The following SGCE variants were observed in gnomAD, a reference collection of about 807,000 sequenced individuals.
SGCE encodes epsilon-sarcoglycan.
A neutral mutation model predicts 57.8 loss-of-function variants in SGCE; 26 were observed. The observed-to-expected ratio is 0.45, with a 90% CI of 0.33 to 0.62. The LOEUF (loss-of-function observed/expected upper bound fraction) is 0.62, where lower values mean the gene tolerates loss of function less well. Among genes scored for constraint, SGCE ranks in the 20% least tolerant of loss-of-function variants. The pLI, the probability that SGCE is intolerant of heterozygous loss-of-function variation, is 0.02. For synonymous variants in SGCE, 183 were observed against 189.5 expected, an observed-to-expected ratio of 0.97 and a Z score of 0.28; for missense variants, 468 against 548.6, an observed-to-expected ratio of 0.85 and a Z score of 1.47.
intron 5 of SGCE, among the ~76,000 whole-genome samples, chr7:94,614,530 C>T (rs549894543): frequency 6.6e-6 from 1 of 152,276 alleles, no homozygotes; most frequent in South Asian, 2.1e-4. Context: ...AGTTCTGAAT[C>T]CACTATGCTC....
chr7:94,619,739 A>AT (rs769528270), intron 4 of SGCE: 7 of 152,184 alleles, frequency 4.6e-5, no homozygotes, highest in Non-Finnish European at 7.3e-5. Context: ...ACTTAGGTGA[A>AT]TTAGAACATT....
At chr7:94,599,924 T>C (rs1798957664) in intron 7 of SGCE, 2 of 419,658 alleles carry the variant, frequency 4.8e-6, no homozygotes, top group Admixed American at 8.2e-5. Flanking sequence ...GAGAAACACA[T>C]AGAAAAATGA....
chr7:94,587,377 T>C (rs1797048774), intron 10 of SGCE: 1 of 1,071,842 alleles, frequency 9.3e-7, no homozygotes, highest in Non-Finnish European at 1.1e-6. Context: ...TTTCTAGAAA[T>C]TGCCTGCTTC....
intron 1 of SGCE, among the ~76,000 whole-genome samples, chr7:94,643,267 A>G (rs1200505455): frequency 6.6e-6 from 1 of 152,204 alleles, no homozygotes. Flanking sequence ...AAGATTTAAC[A>G]CCACTACATG....
chr7:94,588,775 C>A, intron 9 of SGCE, 43 bp from the exon 10 acceptor site: 1 of 1,611,048 alleles, frequency 6.2e-7, no homozygotes, highest in East Asian at 2.2e-5. Context: ...TTTGTTTACA[C>A]ACTTGTAAAC....
chr7:94,612,167 T>A (rs1280387660), intron 5 of SGCE, among the ~76,000 whole-genome samples: 1 of 152,206 alleles, frequency 6.6e-6, no homozygotes, highest in Non-Finnish European at 1.5e-5. Flanking sequence ...AGACAAGACA[T>A]TGATTTGTAT....
chr7:94,595,906 A>G (rs1169054164), intron 9 of SGCE, among the ~76,000 whole-genome samples: 1 of 152,116 alleles, frequency 6.6e-6, no homozygotes. Context: ...ACGACACCGA[A>G]TGTAATTTAA....
chr7:94,593,325 TTCCTGAAAAATGTG>T (rs1797950256), intron 9 of SGCE, among the ~76,000 whole-genome samples: 2 of 151,962 alleles, frequency 1.3e-5, no homozygotes, highest in African/African-American at 4.8e-5. Flanking sequence ...AATTAATATC[TTCCTGAAAAATGTG>T]TGGAGTACTA....
intron 10 of SGCE, chr7:94,587,985 C>A: frequency 7.1e-7 from 1 of 1,410,804 alleles, no homozygotes; most frequent in Non-Finnish European, 9.2e-7. Context: ...ACTTCTCTTG[C>A]TTTTCCAAAA....
intron 10 of SGCE, chr7:94,587,541 G>C: frequency 1.5e-6 from 2 of 1,307,448 alleles, no homozygotes; most frequent in Non-Finnish European, 1.9e-6. Flanking sequence ...TGTGAAATTA[G>C]TGGTAGTAGG....
intron 10 of SGCE, chr7:94,586,876 G>GTC (rs1796980903): frequency 1.0e-6 from 1 of 984,924 alleles, no homozygotes; most frequent in African/African-American, 1.7e-5. Context: ...TGCTAGGGTG[G>GTC]TCTCTCTCCC....
chr7:94,588,521 G>T (rs1019031826), intron 10 of SGCE, 168 bp downstream of exon 10: 1 of 1,449,648 alleles, frequency 6.9e-7, no homozygotes, highest in African/African-American at 1.4e-5. Flanking sequence ...GCCAATCTAT[G>T]TAATAATCTA....
At chr7:94,637,438 C>G (rs771140330) in intron 1 of SGCE, among the ~76,000 whole-genome samples, 1 of 152,080 alleles carries the variant, frequency 6.6e-6, no homozygotes, top group South Asian at 2.1e-4. Context: ...ATGTGATAAT[C>G]GAAACTCTTT....
At chr7:94,593,530 T>C (rs1797980931) in intron 9 of SGCE, among the ~76,000 whole-genome samples, 1 of 151,970 alleles carries the variant, frequency 6.6e-6, no homozygotes, top group South Asian at 2.1e-4. Context: ...AATCAAATAT[T>C]TGGGATCCTC....
chr7:94,628,077 A>G (rs566905921), intron 3 of SGCE, 125 bp downstream of exon 3: 1 of 717,356 alleles, frequency 1.4e-6, no homozygotes, highest in Non-Finnish European at 2.4e-6. Context: ...TTCCATGCAC[A>G]AAATATTAAA....
Position 94,598,817 on chromosome 7 carries a change from T to C in SGCE, c.1211A>G (p.Asp404Gly), listed in dbSNP as rs1305797148. The change falls in exon 9 of 11, where the codon GAC (aspartate) becomes GGC (glycine). Residue 404 changes from aspartate (D) to glycine (G), a missense_variant. By Grantham distance (94) the Asp-to-Gly change is moderately conservative. Transcript: ENST00000648936. ...TGGCATGTTTGTGCTATCATAGTTG[T>C]CTGTGTGTAAAGGAGGTATGATTTC... ...TGEIIPPLHT[D>G]NYDSTNMPLM... The C allele has an allele frequency of 6.2e-7, 1 of 1,613,378 alleles. No homozygotes were observed. Among genetic ancestry groups the C allele is most frequent in the Non-Finnish European group, 8.5e-7 (1 of 1,179,472 alleles).
chr7:94,617,500 G>C (rs1353003466), intron 5 of SGCE: 2 of 152,162 alleles, frequency 1.3e-5, no homozygotes, highest in African/African-American at 4.8e-5. Flanking sequence ...TGCCTTCAGG[G>C]AAGATACCCC....
chr7:94,641,220 C>T (rs1022615397), intron 1 of SGCE, among the ~76,000 whole-genome samples: 1 of 152,062 alleles, frequency 6.6e-6, no homozygotes, highest in African/African-American at 2.4e-5. Flanking sequence ...GAAAAGACTG[C>T]TAGATTTGAA....
chr7:94,593,391 C>T (rs1367953456), intron 9 of SGCE, among the ~76,000 whole-genome samples: 1 of 151,866 alleles, frequency 6.6e-6, no homozygotes, highest in Non-Finnish European at 1.5e-5. Flanking sequence ...ATGAAGATGC[C>T]TACCACTCCA....
Sources: allele counts gnomAD v4.1 joint callset (sites outside exome capture counted in the v4.1 genomes callset), GRCh38; gene constraint gnomAD v4.1.1; transcripts MANE v1.5; gene names NCBI Gene and HGNC (gene_info 2026-07-23, HGNC 2026-07-21).